MYO5B: variants seen among roughly 807,000 people sequenced by gnomAD.
MYO5B encodes the protein myosin VB.
In MYO5B, 143 loss-of-function variants were observed where a neutral mutation model predicts 229.3. The ratio of observed to expected loss-of-function variants is 0.62; its 90% CI spans 0.54 to 0.72. MYO5B has a LOEUF of 0.72. Ranked by LOEUF, MYO5B falls within the 30% of genes least tolerant of loss-of-function variation. MYO5B has a pLI of 0.00. For missense variants in MYO5B, 2,321 were observed against 2,331.0 expected (o/e 1.00, Z 0.09); for synonymous variants, 918 against 885.2 (o/e 1.04, Z -0.66).
At position 49,879,306 on chromosome 18, in the gene MYO5B, CAG is replaced by C. The variant is rs2024561193; in HGVS notation, c.3131-218_3131-217del. Reference sequence around the variant, plus strand: ...GAGAGGGAGAGAAAGACCCTGCTCTCAGGGAATGGGGAGAGAGAAGTTGGCAG... The same window carrying C: ...GAGAGGGAGAGAAAGACCCTGCTCTCGGAATGGGGAGAGAGAAGTTGGCAG... On this transcript the variant is annotated intron_variant, in intron 23 of 39. Coordinates refer to ENST00000285039, the MANE Select transcript of MYO5B (RefSeq NM_001080467.3). The C allele has an allele frequency of 8.4e-6, 5 of 592,230 alleles. 1 individual carries two copies. In the South Asian group the frequency reaches 9.8e-5, roughly 12 times the overall value. 36.7% of individuals were successfully genotyped at this position (592,230 alleles called of 1,614,324 possible).
chr18:49,889,492 G>T (rs2024683701), intron 22 of MYO5B, among the ~76,000 whole-genome samples: 1 of 152,192 alleles, frequency 6.6e-6, no homozygotes, highest in Non-Finnish European at 1.5e-5. Flanking sequence ...GCCCCATCCT[G>T]CCAGGAACAA....
intron 19 of MYO5B, among the ~76,000 whole-genome samples, chr18:49,905,446 C>T (rs1256140301): frequency 6.6e-6 from 1 of 152,190 alleles, no homozygotes; most frequent in Non-Finnish European, 1.5e-5. Context: ...TCCTCCCCTT[C>T]TGAAGGGTCT....
chr18:50,147,344 T>C (rs887643485), intron 1 of MYO5B, among the ~76,000 whole-genome samples: 2 of 152,162 alleles, frequency 1.3e-5, no homozygotes, highest in African/African-American at 4.8e-5. Flanking sequence ...AAAGCAGGTT[T>C]CTCCTCTAAT....
At chr18:50,034,780 A>C (rs2026430375) in intron 4 of MYO5B, among the ~76,000 whole-genome samples, 1 of 152,122 alleles carries the variant, frequency 6.6e-6, no homozygotes, top group Non-Finnish European at 1.5e-5. Flanking sequence ...AACCAAAAAA[A>C]CAAAAAAGCT....
At chr18:50,107,652 C>A (rs924131257) in intron 1 of MYO5B, among the ~76,000 whole-genome samples, 4 of 152,142 alleles carry the variant, frequency 2.6e-5, no homozygotes, top group African/African-American at 9.7e-5. Flanking sequence ...GCACTGTTTC[C>A]GGTTTTCATG....
At chr18:49,835,807 G>A (rs1474877456) in intron 38 of MYO5B, among the ~76,000 whole-genome samples, 1 of 152,178 alleles carries the variant, frequency 6.6e-6, no homozygotes, top group Non-Finnish European at 1.5e-5. Flanking sequence ...GAAAGGTCTT[G>A]TTTAATACCT....
rs568960346 is a variant in MYO5B, at chr18:49,924,283, A to G, written c.2090+5229T>C. Among the ~76,000 whole-genome samples, 10 of 152,340 alleles carry G rather than the reference A, an allele frequency of 6.6e-5. No homozygotes were observed. In the East Asian group the frequency reaches 1.9e-3, roughly 29 times the overall value. ...CCCAATAAGTAATAAATATCTTACTAAATGCTCAAGTGTCCAGTGCTGGCT... is the reference window on the plus strand; with the variant it reads ...CCCAATAAGTAATAAATATCTTACTGAATGCTCAAGTGTCCAGTGCTGGCT... On this transcript the variant is annotated intron_variant, in intron 17 of 39. Transcript: ENST00000285039.
chr18:50,153,519 C>T (rs34571336), intron 1 of MYO5B, among the ~76,000 whole-genome samples: 24,079 of 152,120 alleles, frequency 0.16, 2,020 homozygotes, highest in East Asian at 0.24. Flanking sequence ...GGCACGATAT[C>T]GGTTCACTGC....
At chr18:49,843,558 T>G (rs1386326006) in intron 33 of MYO5B, among the ~76,000 whole-genome samples, 166 bp from the exon 34 acceptor site, 3 of 152,130 alleles carry the variant, frequency 2.0e-5, no homozygotes, top group Admixed American at 2.0e-4. Context: ...GTACCCAAAC[T>G]CCCGAGCATG....
rs1568622450 is a variant in MYO5B, at chr18:49,877,871, A to G, written c.3288T>C (p.Gly1096=). ...TTTGGTTTGATGGGTTCCGCCTATGACCTGGAGTTTGCTGTTCAACAAGAA... is the reference window on the plus strand; with the variant it reads ...TTTGGTTTGATGGGTTCCGCCTATGGCCTGGAGTTTGCTGTTCAACAAGAA... The part of the protein sequence containing the change: ...DEMTIIKQTP[G]HRRNPSNQSS... Residue 1096 remains glycine (G), a synonymous_variant, in exon 25 of 40, where the codon GGT becomes GGC. Coordinates refer to ENST00000285039, the MANE Select transcript of MYO5B (RefSeq NM_001080467.3). 1 of 1,614,106 alleles carries G rather than the reference A, an allele frequency of 6.2e-7. No individual in the cohort carries two copies. The highest frequency in any genetic ancestry group is 8.5e-7 in the Non-Finnish European group (1 of 1,179,974).
In MYO5B at chr18:49,849,664, G is replaced by A; in HGVS notation, c.4222-4C>T. The A allele has an allele frequency of 6.2e-7, 1 of 1,604,666 alleles. No individual in the cohort carries two copies. Among genetic ancestry groups the A allele is most frequent in the Non-Finnish European group, 8.5e-7 (1 of 1,171,908 alleles). On this transcript the variant is annotated splice_region_variant and splice_polypyrimidine_tract_variant and intron_variant, in intron 31 of 39. Transcript: ENST00000285039. ...TTTCTACCAGTTCTTTAAGGTCCTG[G>A]AAGCAGAGGAAGCAGTGTGAGAACA...
At chr18:50,105,388 A>T (rs1347147485) in intron 1 of MYO5B, among the ~76,000 whole-genome samples, 1 of 152,082 alleles carries the variant, frequency 6.6e-6, no homozygotes, top group Admixed American at 6.5e-5. Flanking sequence ...AGTCTTAAAC[A>T]ATTACTTTCT....
At chr18:49,924,209 A>G (rs1449550537) in intron 17 of MYO5B, among the ~76,000 whole-genome samples, 1 of 152,184 alleles carries the variant, frequency 6.6e-6, no homozygotes, top group Non-Finnish European at 1.5e-5. Context: ...AGATAGACAC[A>G]TTCTACCCAG....
chr18:50,017,277 TCTGG>T (rs1276475169), intron 4 of MYO5B, among the ~76,000 whole-genome samples: 1 of 151,780 alleles, frequency 6.6e-6, no homozygotes, highest in African/African-American at 2.4e-5. Flanking sequence ...GCCACTACTG[TCTGG>T]CTAAATTTTT....
chr18:50,125,167 C>T (rs2469478), intron 1 of MYO5B, among the ~76,000 whole-genome samples: 124,606 of 151,976 alleles, frequency 0.82, 51,402 homozygotes, highest in Admixed American at 0.87. Flanking sequence ...TTCTCAAGGG[C>T]ACTATGCTGC....
chr18:50,136,487 T>A (rs2032338848), intron 1 of MYO5B, among the ~76,000 whole-genome samples: 1 of 151,686 alleles, frequency 6.6e-6, no homozygotes, highest in Admixed American at 6.6e-5. Flanking sequence ...CCTAGGTAGA[T>A]GGCTCTTGCT....
chr18:49,937,493 A>G, intron 14 of MYO5B, 96 bp from the exon 15 acceptor site: 1 of 1,430,712 alleles, frequency 7.0e-7, no homozygotes, highest in South Asian at 1.2e-5. Context: ...CTGAGAACGG[A>G]AAACACACAT....
Position 49,954,345 on chromosome 18 carries a change from T to C in MYO5B, c.1636A>G (p.Thr546Ala). 6.2e-7 allele frequency: 1 copy of C among 1,613,930 alleles called. No homozygotes were observed. The highest frequency in any genetic ancestry group is 8.5e-7 in the Non-Finnish European group (1 of 1,179,938). Reference sequence around the variant, plus strand: ...GCAAAGTGGACGATGATGAAGGCCGTGTTGGACATGCGGGGCTTCTGGAAG... The same window carrying C: ...GCAAAGTGGACGATGATGAAGGCCGCGTTGGACATGCGGGGCTTCTGGAAG... ...QHFQKPRMSNTAFIIVHFADK... is the reference protein window; with the variant it reads ...QHFQKPRMSNAAFIIVHFADK... The change falls in exon 13 of 40, where the codon ACG (threonine) becomes GCG (alanine). Residue 546 changes from threonine to alanine, a missense_variant. Transcript: ENST00000285039.
chr18:50,087,364 AT>A (rs1306557759), intron 1 of MYO5B, among the ~76,000 whole-genome samples: 3 of 151,984 alleles, frequency 2.0e-5, no homozygotes, highest in Non-Finnish European at 4.4e-5. Context: ...GAAGCAGGAG[AT>A]TGAGACCATC....
Sources: allele counts gnomAD v4.1 joint callset (sites outside exome capture counted in the v4.1 genomes callset), GRCh38; gene constraint gnomAD v4.1.1; transcripts MANE v1.5; gene names NCBI Gene and HGNC (gene_info 2026-07-23, HGNC 2026-07-21).